The following ZNF577 variants were observed in gnomAD, a reference collection of about 807,000 sequenced individuals.
ZNF577 encodes zinc finger protein 577.
ZNF577 carries 14 observed loss-of-function variants against 13.9 expected under a neutral mutation model. The ratio of observed to expected loss-of-function variants is 1.00; its 90% CI spans 0.66 to 1.57. The LOEUF is 1.57. ZNF577 is among the 40% of genes most tolerant of loss of function. The pLI, the probability that ZNF577 is intolerant of heterozygous loss-of-function variation, is 0.00. For missense variants in ZNF577, 555 were observed against 579.2 expected (o/e 0.96, Z 0.43); for synonymous variants, 203 against 202.9 (o/e 1.00, Z 0.00).
chr19:51,853,823 GTGT>G (rs2084392300), intron 5 of ZNF577, among the ~76,000 whole-genome samples: 1 of 152,160 alleles, frequency 6.6e-6, no homozygotes. Context: ...CATCGTGAAG[GTGT>G]TGTGCTTTGT....
At chr19:51,857,366 G>GAAAGAAAGAAAGAA (rs2084437967) in intron 5 of ZNF577, among the ~76,000 whole-genome samples, 1 of 20,560 alleles carries the variant, frequency 4.9e-5, no homozygotes, top group African/African-American at 2.2e-4. Flanking sequence ...AAGAAGGAAG[G>GAAAGAAAGAAAGAA]AAAGAAAGAA....
chr19:51,848,013 G>T (rs2084362393), intron 5 of ZNF577, among the ~76,000 whole-genome samples: 1 of 152,174 alleles, frequency 6.6e-6, no homozygotes, highest in Non-Finnish European at 1.5e-5. Flanking sequence ...CTGACATGCT[G>T]TTGGAAGCCA....
At chr19:51,874,345 A>T (rs1454323694) in intron 5 of ZNF577, among the ~76,000 whole-genome samples, 1 of 152,220 alleles carries the variant, frequency 6.6e-6, no homozygotes, top group Non-Finnish European at 1.5e-5. Context: ...AAAATTACAG[A>T]ATGTGAAGAA....
intron 5 of ZNF577, among the ~76,000 whole-genome samples, chr19:51,857,854 T>G (rs2084454114): frequency 6.6e-6 from 1 of 152,194 alleles, no homozygotes; most frequent in Non-Finnish European, 1.5e-5. Context: ...TAAAATTTTT[T>G]GTAGAGATGG....
At chr19:51,842,293 GA>G (rs2084325589) in intron 8 of ZNF577, among the ~76,000 whole-genome samples, 1 of 152,308 alleles carries the variant, frequency 6.6e-6, no homozygotes, top group Non-Finnish European at 1.5e-5. Context: ...TCATCTGCTA[GA>G]AAGTTAATCC....
rs577591224 is a variant in ZNF577, at chr19:51,813,346, A to G, written c.*600-1672T>C. Among the ~76,000 whole-genome samples, 8 of 152,244 alleles carry G rather than the reference A, an allele frequency of 5.3e-5. No individual in the cohort carries two copies. The South Asian group carries it at 1.7e-3, about 32-fold the overall frequency. On this transcript the variant is annotated intron_variant and NMD_transcript_variant, in intron 9 of 10. Coordinates refer to the ZNF577 transcript ENST00000638827. The stretch of plus-strand genomic sequence containing the variant: ...GCACTCATCCTACCTATGAGGGCAG[A>G]ACAATCATAATTGAAAACCTCCACC...
intron 9 of ZNF577, among the ~76,000 whole-genome samples, chr19:51,827,477 C>T (rs2084238183): frequency 6.6e-6 from 1 of 152,104 alleles, no homozygotes; most frequent in Admixed American, 6.5e-5. Flanking sequence ...GATCCCAATC[C>T]CCTGCAAATA....
At chr19:51,878,300 C>G in intron 4 of ZNF577, 89 bp downstream of exon 4, 1 of 1,359,254 alleles carries the variant, frequency 7.4e-7, no homozygotes, top group Non-Finnish European at 1.0e-6. Flanking sequence ...ACATATAATA[C>G]TTTAGTCTAA....
At chr19:51,822,830 A>G (rs1350712382) in intron 9 of ZNF577, among the ~76,000 whole-genome samples, 3 of 152,156 alleles carry the variant, frequency 2.0e-5, no homozygotes, top group African/African-American at 7.2e-5. Flanking sequence ...GACTTCATCT[A>G]GCACAGAATC....
intron 9 of ZNF577, among the ~76,000 whole-genome samples, chr19:51,813,119 AAC>A (rs35245083): frequency 0.053 from 7,298 of 136,736 alleles, 153 homozygotes; most frequent in African/African-American, 0.078. Flanking sequence ...GCTCTGTCTC[AAC>A]ACACACACAC....
intron 9 of ZNF577, among the ~76,000 whole-genome samples, chr19:51,830,160 A>G (rs2122515320): frequency 6.6e-6 from 1 of 151,186 alleles, no homozygotes; most frequent in Non-Finnish European, 1.5e-5. Context: ...AAACAGAGGA[A>G]AGATGAAGCA....
rs1000907526 is a variant in ZNF577 at position 51,870,182 on chromosome 19, T to A, written c.*2350A>T. Among the ~76,000 whole-genome samples, 6 of 152,238 alleles carry A rather than the reference T, an allele frequency of 3.9e-5. No homozygotes were observed. The highest frequency in any genetic ancestry group is 1.4e-4 in the African/African-American group (6 of 41,470). On this transcript the variant is annotated 3_prime_UTR_variant, in exon 6 of 6. Transcript: ENST00000638348. ...TCATATGGGACATTTATAGCAGCTATTTCTAACATCCTTTTCTGCTATAAG... is the reference window on the plus strand; with the variant it reads ...TCATATGGGACATTTATAGCAGCTAATTCTAACATCCTTTTCTGCTATAAG...
intron 5 of ZNF577, chr19:51,856,114 T>C (rs1035653223): frequency 1.3e-4 from 20 of 152,240 alleles, no homozygotes; most frequent in African/African-American, 4.8e-4. Flanking sequence ...ACTGTGATGA[T>C]GTTTATGTTG....
downstream of ZNF577, among the ~76,000 whole-genome samples, chr19:51,865,378 T>C (rs2084550758): frequency 1.4e-5 from 2 of 143,112 alleles, no homozygotes; most frequent in Non-Finnish European, 3.0e-5. Context: ...ATTACACACG[T>C]GAGCCACCAT....
intron 9 of ZNF577, chr19:51,825,059 T>G: frequency 4.8e-6 from 2 of 418,512 alleles, no homozygotes; most frequent in Non-Finnish European, 4.5e-6. Context: ...TAAGGGCTCA[T>G]TCCCCAAGTC....
exon 9 of ZNF577, chr19:51,840,080 G>GCAT (rs1466195296): frequency 6.6e-6 from 1 of 152,206 alleles, no homozygotes; most frequent in Non-Finnish European, 1.5e-5. Context: ...CTTACAGATA[G>GCAT]CGAGATGGCC....
intron 10 of ZNF577, among the ~76,000 whole-genome samples, chr19:51,810,559 A>G (rs1028509853): frequency 6.6e-6 from 1 of 152,220 alleles, no homozygotes; most frequent in African/African-American, 2.4e-5. Context: ...AATAAGGGCC[A>G]TTACCTAATA....
At chr19:51,822,543 A>T (rs1486841006) in intron 9 of ZNF577, among the ~76,000 whole-genome samples, 6 of 152,190 alleles carry the variant, frequency 3.9e-5, no homozygotes. Context: ...ACTGTTTCCT[A>T]CTTAAGTGAC....
intron 5 of ZNF577, among the ~76,000 whole-genome samples, chr19:51,875,596 G>A (rs1007266595): frequency 2.0e-5 from 3 of 152,124 alleles, no homozygotes; most frequent in African/African-American, 7.2e-5. Flanking sequence ...CTTATTTCAT[G>A]GACATCTTCT....
Sources: allele counts gnomAD v4.1 joint callset (sites outside exome capture counted in the v4.1 genomes callset), GRCh38; gene constraint gnomAD v4.1.1; transcripts MANE v1.5; gene names NCBI Gene and HGNC (gene_info 2026-07-23, HGNC 2026-07-21).